ASXL3: variants seen among roughly 807,000 people sequenced by gnomAD.
ASXL3 encodes putative Polycomb group protein ASXL3.
ASXL3 carries 34 observed loss-of-function variants against 170.6 expected under a neutral mutation model. That is an observed-to-expected ratio of 0.20 (90% CI 0.15 to 0.27). ASXL3 has a LOEUF of 0.27. Among genes scored for constraint, ASXL3 ranks in the 10% least tolerant of loss-of-function variants. The pLI is 1.00. For missense variants in ASXL3, 2,592 were observed against 2,695.3 expected (o/e 0.96, Z 0.85); for synonymous variants, 1,002 against 989.1 (o/e 1.01, Z -0.24).
At chr18:33,581,811 A>G (rs186591128) in intron 1 of ASXL3, among the ~76,000 whole-genome samples, 1 of 152,296 alleles carries the variant, frequency 6.6e-6, no homozygotes, top group East Asian at 1.9e-4. Context: ...TAATGCTTGT[A>G]TGTGTTAGGC....
At chr18:33,736,553 T>C (rs1190385179) in intron 10 of ASXL3, among the ~76,000 whole-genome samples, 1 of 152,188 alleles carries the variant, frequency 6.6e-6, no homozygotes, top group South Asian at 2.1e-4. Flanking sequence ...TTTTCATTGC[T>C]GTACGCTTTT....
intron 2 of ASXL3, among the ~76,000 whole-genome samples, chr18:33,636,577 A>G (rs1016874706): frequency 6.6e-6 from 1 of 152,116 alleles, no homozygotes; most frequent in Non-Finnish European, 1.5e-5. Context: ...TGAAAATGTA[A>G]GGTTTCAGGT....
At chr18:33,655,687 G>A (rs1032929520) in intron 4 of ASXL3, among the ~76,000 whole-genome samples, 1 of 151,998 alleles carries the variant, frequency 6.6e-6, no homozygotes, top group Non-Finnish European at 1.5e-5. Context: ...GGTTTTCCCT[G>A]TTCAAGTCTT....
In ASXL3 at chr18:33,598,884, A is replaced by G. The variant is rs1599380450; in HGVS notation, c.55-8710A>G. ...TGTTCTCCCACTTTCTAGCTGTGTA[A>G]CACTGGGCAAATTAAATTAACTCCT... On this transcript the variant is annotated intron_variant, in intron 1 of 11. Transcript: ENST00000269197. Among the ~76,000 whole-genome samples, 2 of 152,168 alleles carry G rather than the reference A, an allele frequency of 1.3e-5. 1 individual carries two copies. The highest frequency in any genetic ancestry group is 3.9e-4 in the East Asian group (2 of 5,194).
At chr18:33,597,100 C>A (rs369335489) in intron 1 of ASXL3, among the ~76,000 whole-genome samples, 1 of 152,142 alleles carries the variant, frequency 6.6e-6, no homozygotes, top group Non-Finnish European at 1.5e-5. Context: ...CAGACGTGAC[C>A]CACTGCGCCT....
rs1568325957 is a variant in ASXL3 at position 33,683,529 on chromosome 18, A to G, written c.840A>G (p.Gln280=). The G allele has an allele frequency of 6.2e-7, 1 of 1,613,446 alleles. No individual in the cohort carries two copies. Among genetic ancestry groups the G allele is most frequent in the Non-Finnish European group, 8.5e-7 (1 of 1,179,662 alleles). Residue 280 remains glutamine, a synonymous_variant, in exon 8 of 12, where the codon CAA becomes CAG. Transcript: ENST00000269197. Reference sequence around the variant, plus strand: ...TTGCTTCCTTACCTCAGCATTTTCAACAATACCTCCTGCTTTTGCTCCCAG... The same window carrying G: ...TTGCTTCCTTACCTCAGCATTTTCAGCAATACCTCCTGCTTTTGCTCCCAG... The part of the protein sequence containing the change: ...HTFASLPQHF[Q]QYLLLLLPEV...
chr18:33,663,948 T>C (rs2066217412), intron 5 of ASXL3, among the ~76,000 whole-genome samples: 2 of 152,112 alleles, frequency 1.3e-5, no homozygotes. Flanking sequence ...TATATATATT[T>C]CCATATACAT....
chr18:33,628,959 T>C (rs1257595447), intron 2 of ASXL3, among the ~76,000 whole-genome samples: 1 of 152,150 alleles, frequency 6.6e-6, no homozygotes, highest in African/African-American at 2.4e-5. Flanking sequence ...TTACAATAGA[T>C]TTATTTCAGG....
chr18:33,744,739 AAAG>A lies in ASXL3; in HGVS notation c.4894_4896del (p.Glu1632del). On this transcript the variant is annotated inframe_deletion, in exon 12 of 12. Coordinates refer to ENST00000269197, the MANE Select transcript of ASXL3 (RefSeq NM_030632.3). ...TACTCACTCGGGTTCAAGTAAACAA[AAAG>A]AATATCTAGAGCAAAGCTGTCCAAA... 6.2e-7 allele frequency: 1 copy of A among 1,613,962 alleles called. No homozygotes were observed. The highest frequency in any genetic ancestry group is 8.5e-7 in the Non-Finnish European group (1 of 1,179,862).
At position 33,749,216 on chromosome 18, in the gene ASXL3, T is replaced by G. The variant is rs945818505; in HGVS notation, c.*2621T>G. 5.3e-5 allele frequency: 8 copies of G among 152,060 alleles called. No homozygotes were observed. The highest frequency in any genetic ancestry group is 1.9e-4 in the African/African-American group (8 of 41,410). 9.4% of individuals were successfully genotyped at this position (152,060 alleles called of 1,614,324 possible). A position where few individuals can be genotyped will look rare whatever the true frequency, so the allele number is the denominator to read the frequency against. Reference sequence around the variant, plus strand: ...AGATGTAAAATGTGGGTCAGATATTTTATAGGTTTCCATTTAATATATATA... The same window carrying G: ...AGATGTAAAATGTGGGTCAGATATTGTATAGGTTTCCATTTAATATATATA... On this transcript the variant is annotated 3_prime_UTR_variant, in exon 12 of 12. Transcript: ENST00000269197.
chr18:33,728,078 C>T (rs1203184085), intron 8 of ASXL3, among the ~76,000 whole-genome samples: 1 of 152,056 alleles, frequency 6.6e-6, no homozygotes, highest in East Asian at 1.9e-4. Context: ...ATTTTAATTA[C>T]TAACTAATCA....
At position 33,748,442 on chromosome 18, in the gene ASXL3, T is replaced by A. The variant is rs945734523; in HGVS notation, c.*1847T>A. On this transcript the variant is annotated 3_prime_UTR_variant, in exon 12 of 12. Transcript: ENST00000269197. The stretch of plus-strand genomic sequence containing the variant: ...TCTTAGAAAGAAAGAAAAGGCCTGC[T>A]GCTGTAGCCATGATTTTGGTGCTTC... The A allele has an allele frequency of 2.0e-5, 3 of 152,248 alleles. No individual in the cohort carries two copies. The highest frequency in any genetic ancestry group is 4.4e-5 in the Non-Finnish European group (3 of 68,046). The allele number at this position is 152,248 out of a possible 1,614,324, so 9.4% of individuals were successfully genotyped here.
chr18:33,579,460 G>T (rs948962963), intron 1 of ASXL3, among the ~76,000 whole-genome samples: 2 of 152,144 alleles, frequency 1.3e-5, no homozygotes, highest in African/African-American at 4.8e-5. Context: ...CTTCCTGGGC[G>T]GTGTTACTTG....
intron 8 of ASXL3, among the ~76,000 whole-genome samples, chr18:33,710,597 G>A (rs2067041844): frequency 6.6e-6 from 1 of 152,074 alleles, no homozygotes; most frequent in Non-Finnish European, 1.5e-5. Flanking sequence ...AAGACATATT[G>A]TCTTTCTAGG....
At chr18:33,601,960 GTTAT>G (rs1231359875) in intron 1 of ASXL3, among the ~76,000 whole-genome samples, 1 of 151,120 alleles carries the variant, frequency 6.6e-6, no homozygotes, top group Non-Finnish European at 1.5e-5. Flanking sequence ...CTTGCTTATT[GTTAT>G]TTATTTATTT....
chr18:33,745,742 G>A lies in ASXL3; in HGVS notation c.5894G>A (p.Arg1965Lys), dbSNP rs1049487258. 1.2e-6 allele frequency: 2 copies of A among 1,613,970 alleles called. No individual in the cohort carries two copies. The highest frequency in any genetic ancestry group is 1.7e-6 in the Non-Finnish European group (2 of 1,179,874). ...PVGCNAFAFN[R>K]HLEQKGLGEV... The stretch of plus-strand genomic sequence containing the variant: ...GGGTGTAATGCATTTGCCTTCAACA[G>A]GCATCTTGAACAGAAGGGATTGGGA... The change falls in exon 12 of 12, where the codon AGG becomes AAG. Residue 1965 changes from arginine (R) to lysine (K), a missense_variant. Coordinates refer to ENST00000269197, the MANE Select transcript of ASXL3 (RefSeq NM_030632.3).
chr18:33,642,645 C>T (rs1007197777), intron 2 of ASXL3, among the ~76,000 whole-genome samples: 3 of 151,544 alleles, frequency 2.0e-5, no homozygotes, highest in East Asian at 1.9e-4. Flanking sequence ...TAAATTTTTC[C>T]GTAGTAAATC....
chr18:33,648,436 A>G (rs1237181351), intron 4 of ASXL3, among the ~76,000 whole-genome samples: 1 of 152,144 alleles, frequency 6.6e-6, no homozygotes, highest in Non-Finnish European at 1.5e-5. Flanking sequence ...AAGTTGAACA[A>G]TAGCATTGTC....
At position 33,712,315 on chromosome 18, in the gene ASXL3, G is replaced by T. The variant is rs1391822105; in HGVS notation, c.880-19653G>T. Among the ~76,000 whole-genome samples, 4 of 152,270 alleles carry T rather than the reference G, an allele frequency of 2.6e-5. No homozygotes were observed. The East Asian group carries it at 5.8e-4, about 22-fold the overall frequency. On this transcript the variant is annotated intron_variant, in intron 8 of 11. Coordinates refer to ENST00000269197, the MANE Select transcript of ASXL3 (RefSeq NM_030632.3). ...TGCTTTCTGTCATTTAAAAAAAATT[G>T]TATTACAGTTTTAGAGTCTAAGTGA...
Sources: allele counts gnomAD v4.1 joint callset (sites outside exome capture counted in the v4.1 genomes callset), GRCh38; gene constraint gnomAD v4.1.1; transcripts MANE v1.5; gene names NCBI Gene and HGNC (gene_info 2026-07-23, HGNC 2026-07-21).